SGCZ: variants seen among roughly 807,000 people sequenced by gnomAD.
SGCZ encodes the protein sarcoglycan zeta, also known as zeta-sarcoglycan.
SGCZ carries 40 observed loss-of-function variants against 41.3 expected under a neutral mutation model. The observed-to-expected ratio is 0.97, with a 90% CI of 0.75 to 1.26. The LOEUF (loss-of-function observed/expected upper bound fraction) is 1.26. Among genes scored for constraint, SGCZ ranks in the 50% most tolerant of loss-of-function variants. SGCZ has a pLI of 0.00. For synonymous variants in SGCZ, 206 were observed against 137.5 expected (o/e 1.50, Z -3.49); for missense variants, 552 against 369.8 (o/e 1.49, Z -4.04).
intron 1 of SGCZ, among the ~76,000 whole-genome samples, chr8:15,201,722 T>C (rs1800895919): frequency 6.6e-6 from 1 of 152,162 alleles, no homozygotes; most frequent in African/African-American, 2.4e-5. Context: ...AAGCACACAT[T>C]GCAATGCATA....
chr8:14,393,988 T>C (rs184160796), intron 2 of SGCZ, among the ~76,000 whole-genome samples: 32 of 152,268 alleles, frequency 2.1e-4, no homozygotes, highest in African/African-American at 7.5e-4. Flanking sequence ...ATGTGTACTT[T>C]AAAGAAGCAC....
chr8:14,165,036 G>T, intron 4 of SGCZ: 2 of 247,162 alleles, frequency 8.1e-6, no homozygotes, highest in South Asian at 5.1e-5. Flanking sequence ...CATCATACCT[G>T]GCACCTGCTG....
intron 3 of SGCZ, among the ~76,000 whole-genome samples, chr8:14,240,327 C>CAAAAAAAAAAAAAAAAAA (rs59351247): frequency 9.5e-5 from 11 of 115,226 alleles, no homozygotes; most frequent in African/African-American, 1.6e-4. Context: ...AACTCTGTGT[C>CAAAAAAAAAAAAAAAAAA]AAAAAAAAAA....
intron 2 of SGCZ, among the ~76,000 whole-genome samples, chr8:14,457,584 C>T (rs1353246598): frequency 4.6e-5 from 7 of 152,182 alleles, no homozygotes; most frequent in South Asian, 4.1e-4. Flanking sequence ...GCTCCTAGTC[C>T]GCCTTCATGT....
intron 2 of SGCZ, among the ~76,000 whole-genome samples, chr8:14,381,603 C>T (rs930398521): frequency 1.3e-5 from 2 of 151,454 alleles, no homozygotes; most frequent in Non-Finnish European, 2.9e-5. Context: ...GATGAAACCC[C>T]GGTTCTACAA....
chr8:15,054,578 G>T (rs1011034321), intron 1 of SGCZ, among the ~76,000 whole-genome samples: 1 of 152,080 alleles, frequency 6.6e-6, no homozygotes, highest in Non-Finnish European at 1.5e-5. Flanking sequence ...TTAACATGCT[G>T]GCGTTGTATT....
chr8:15,202,201 G>T (rs963828629), intron 1 of SGCZ, among the ~76,000 whole-genome samples: 3 of 152,160 alleles, frequency 2.0e-5, no homozygotes, highest in African/African-American at 4.8e-5. Context: ...GCTAACCATT[G>T]CCTAAGTAAT....
intron 4 of SGCZ, among the ~76,000 whole-genome samples, chr8:14,203,033 C>T (rs1824739): frequency 0.71 from 107,907 of 151,980 alleles, 39,117 homozygotes; most frequent in African/African-American, 0.84. Context: ...TGTACAAGCT[C>T]TCTTTGGCTG....
At chr8:15,046,461 T>G (rs1804304028) in intron 1 of SGCZ, among the ~76,000 whole-genome samples, 1 of 152,068 alleles carries the variant, frequency 6.6e-6, no homozygotes, top group South Asian at 2.1e-4. Context: ...ATTATTTATC[T>G]TGATGCTAAA....
intron 2 of SGCZ, among the ~76,000 whole-genome samples, chr8:14,501,656 A>G (rs1414679299): frequency 6.7e-6 from 1 of 149,304 alleles, no homozygotes; most frequent in Non-Finnish European, 1.5e-5. Context: ...TATAGCATGT[A>G]TTAGACACTT....
intron 1 of SGCZ, among the ~76,000 whole-genome samples, chr8:14,588,164 T>G (rs545688994): frequency 6.7e-6 from 1 of 148,686 alleles, no homozygotes; most frequent in African/African-American, 2.5e-5. Context: ...TAGAATATGA[T>G]AAAATTTTTC....
chr8:14,256,921 G>GT (rs1273371880), intron 3 of SGCZ, among the ~76,000 whole-genome samples: 1 of 152,102 alleles, frequency 6.6e-6, no homozygotes, highest in East Asian at 1.9e-4. Flanking sequence ...AGAACACTGA[G>GT]TTAGACGTAT....
intron 3 of SGCZ, among the ~76,000 whole-genome samples, chr8:14,283,614 A>C (rs912231364): frequency 6.6e-6 from 1 of 152,216 alleles, no homozygotes; most frequent in Non-Finnish European, 1.5e-5. Context: ...AAAGACAACA[A>C]TATTCTCTTA....
At chr8:14,623,366 A>ATC (rs1806347283) in intron 1 of SGCZ, among the ~76,000 whole-genome samples, 1 of 152,204 alleles carries the variant, frequency 6.6e-6, no homozygotes, top group African/African-American at 2.4e-5. Context: ...TAAAAGGAAC[A>ATC]TCTCTTTGCG....
At chr8:14,516,840 G>T (rs931053441) in intron 2 of SGCZ, among the ~76,000 whole-genome samples, 1 of 152,030 alleles carries the variant, frequency 6.6e-6, no homozygotes, top group African/African-American at 2.4e-5. Context: ...TTTATAAATT[G>T]AGGGAACTTT....
Position 15,186,262 on chromosome 8 carries a change from C to CAAAAAAAAAAAAAAA in SGCZ, c.39+51308_39+51322dup, listed in dbSNP as rs61237091. 5.0e-4 allele frequency among the ~76,000 whole-genome samples: 40 copies of CAAAAAAAAAAAAAAA among 80,716 alleles called. 1 individual carries two copies. The highest frequency in any genetic ancestry group is 9.3e-4 in the East Asian group (3 of 3,234). The allele number at this position is 80,716 out of a possible 152,430, so 53.0% of individuals were successfully genotyped here. On this transcript the variant is annotated intron_variant, in intron 1 of 7. Transcript: ENST00000382080. ...GGGCAACAGAGGGAAGATTCCGTAC[C>CAAAAAAAAAAAAAAA]AAAAAAAAAAAAAAAAAAAAAAAAA...
chr8:14,489,465 A>G (rs765494650), intron 2 of SGCZ, among the ~76,000 whole-genome samples: 2 of 152,188 alleles, frequency 1.3e-5, no homozygotes, highest in African/African-American at 4.8e-5. Context: ...ACATTTGTAC[A>G]TGTAAATTAA....
chr8:14,525,813 G>A (rs1411367365), intron 2 of SGCZ, among the ~76,000 whole-genome samples: 3 of 152,092 alleles, frequency 2.0e-5, no homozygotes, highest in African/African-American at 7.2e-5. Flanking sequence ...GACAGGCACA[G>A]GATGTAAATG....
At chr8:14,367,083 C>A (rs1458929015) in intron 2 of SGCZ, among the ~76,000 whole-genome samples, 1 of 152,042 alleles carries the variant, frequency 6.6e-6, no homozygotes, top group Non-Finnish European at 1.5e-5. Context: ...GAACACTTTG[C>A]CACTTAGAAA....
Sources: allele counts gnomAD v4.1 joint callset (sites outside exome capture counted in the v4.1 genomes callset), GRCh38; gene constraint gnomAD v4.1.1; transcripts MANE v1.5; gene names NCBI Gene and HGNC (gene_info 2026-07-23, HGNC 2026-07-21).